The following HMBOX1 variants were observed in gnomAD, a reference collection of about 807,000 sequenced individuals.
The protein encoded by HMBOX1 is homeobox containing 1, also known as homeobox-containing protein 1.
HMBOX1 carries 14 observed loss-of-function variants against 54.5 expected under a neutral mutation model. The observed-to-expected ratio is 0.26, with a 90% CI of 0.17 to 0.40. HMBOX1 has a LOEUF of 0.40. Ranked by LOEUF, HMBOX1 falls within the 10% of genes least tolerant of loss-of-function variation. HMBOX1 has a pLI of 1.00. For synonymous variants in HMBOX1, 160 were observed against 181.0 expected (o/e 0.88, Z 0.93); for missense variants, 332 against 514.4 (o/e 0.65, Z 3.43).
chr8:28,982,278 A>G (rs1829477655), intron 4 of HMBOX1, among the ~76,000 whole-genome samples: 1 of 152,194 alleles, frequency 6.6e-6, no homozygotes, highest in Admixed American at 6.5e-5. Context: ...AATGTGCTGA[A>G]ACATAATTTA....
At position 28,912,012 on chromosome 8, in the gene HMBOX1, C is replaced by T. The variant is rs187798280; in HGVS notation, c.-58+21334C>T. On this transcript the variant is annotated intron_variant, in intron 1 of 9. Coordinates refer to ENST00000287701, the MANE Select transcript of HMBOX1 (RefSeq NM_001135726.3). ...CCAACTGGCCATATGTGATATGCTA[C>T]CTTTTCACAATGCTGGGCCAAATCA... is the stretch of plus-strand genomic sequence containing the variant. Among the ~76,000 whole-genome samples the T allele has an allele frequency of 6.5e-3, 983 of 152,252 alleles. 8 individuals carry two copies. Among genetic ancestry groups the T allele is most frequent in the Non-Finnish European group, 0.011 (719 of 68,018 alleles).
At chr8:29,034,756 CTGAGGCAGGAGAATCACT>C (rs1042220578) in intron 6 of HMBOX1, among the ~76,000 whole-genome samples, 2 of 152,152 alleles carry the variant, frequency 1.3e-5, no homozygotes, top group Non-Finnish European at 2.9e-5. Context: ...ACTTGGGAGG[CTGAGGCAGGAGAATCACT>C]TGAACCCGGG....
intron 6 of HMBOX1, among the ~76,000 whole-genome samples, chr8:29,029,059 T>C (rs1802505592): frequency 1.3e-5 from 2 of 152,322 alleles, no homozygotes; most frequent in Middle Eastern, 3.4e-3. Context: ...CATTTAAAAA[T>C]GAAGAAATAA....
chr8:28,913,112 C>T (rs901660254), intron 1 of HMBOX1, among the ~76,000 whole-genome samples: 5 of 152,132 alleles, frequency 3.3e-5, no homozygotes, highest in Admixed American at 6.6e-5. Context: ...TCAGTGATGG[C>T]CTAGAATGGT....
intron 1 of HMBOX1, among the ~76,000 whole-genome samples, chr8:28,892,257 G>A (rs1811164650): frequency 1.3e-5 from 2 of 152,068 alleles, no homozygotes; most frequent in African/African-American, 2.4e-5. Flanking sequence ...GCTTGATCTA[G>A]CTGAATTATG....
At chr8:28,904,660 A>C (rs1462923513) in intron 1 of HMBOX1, among the ~76,000 whole-genome samples, 1 of 151,436 alleles carries the variant, frequency 6.6e-6, no homozygotes, top group Non-Finnish European at 1.5e-5. Context: ...ACTTACTTTT[A>C]ATAGAAACAA....
At chr8:28,911,861 A>C (rs1023703431) in intron 1 of HMBOX1, among the ~76,000 whole-genome samples, 7 of 152,146 alleles carry the variant, frequency 4.6e-5, no homozygotes, top group African/African-American at 1.7e-4. Context: ...ATACCAAGGG[A>C]CAACTGTACA....
intron 1 of HMBOX1, among the ~76,000 whole-genome samples, chr8:28,930,732 T>C (rs1426259358): frequency 6.6e-6 from 1 of 152,170 alleles, no homozygotes; most frequent in Non-Finnish European, 1.5e-5. Flanking sequence ...TCCTCCTATA[T>C]CCTTTTTGAA....
intron 6 of HMBOX1, among the ~76,000 whole-genome samples, chr8:29,044,219 C>T (rs1805255327): frequency 6.6e-6 from 1 of 152,082 alleles, no homozygotes; most frequent in Non-Finnish European, 1.5e-5. Flanking sequence ...TCCACCAATG[C>T]AGACAGGAGT....
At chr8:28,928,547 A>G (rs1393466019) in intron 1 of HMBOX1, among the ~76,000 whole-genome samples, 2 of 152,256 alleles carry the variant, frequency 1.3e-5, no homozygotes, top group African/African-American at 4.8e-5. Context: ...TAAAGTCACT[A>G]TCCATGCACT....
Position 29,012,565 on chromosome 8 carries a change from TA to T in HMBOX1, c.697+3384del, listed in dbSNP as rs1834355788. Among the ~76,000 whole-genome samples, 5 of 152,334 alleles carry T rather than the reference TA, an allele frequency of 3.3e-5. No homozygotes were observed. In the South Asian group the frequency reaches 1.0e-3, roughly 32 times the overall value. On this transcript the variant is annotated intron_variant, in intron 5 of 9. Transcript: ENST00000287701. Reference sequence around the variant, plus strand: ...ACACACACATACACATGTATATGCTTATCTAAGCATAGAAATCTCTGAAAAG... The same window carrying T: ...ACACACACATACACATGTATATGCTTTCTAAGCATAGAAATCTCTGAAAAG...
At chr8:28,931,354 G>A (rs1465348578) in intron 1 of HMBOX1, among the ~76,000 whole-genome samples, 1 of 152,166 alleles carries the variant, frequency 6.6e-6, no homozygotes, top group Non-Finnish European at 1.5e-5. Context: ...CGTAGTCCTG[G>A]TCTGTAGCAT....
chr8:28,998,898 T>G (rs1586378154), intron 4 of HMBOX1, among the ~76,000 whole-genome samples: 1 of 152,134 alleles, frequency 6.6e-6, no homozygotes, highest in East Asian at 1.9e-4. Flanking sequence ...AGAAAAACAT[T>G]TCTCCTATAA....
chr8:28,896,641 TC>T lies in HMBOX1; in HGVS notation c.-58+5965del, dbSNP rs2131519040. On this transcript the variant is annotated intron_variant, in intron 1 of 9. Transcript: ENST00000287701. ...TATATCATATTTTAACTGTACTTTT[TC>T]CAAGGTTTAGAAACACAGATACTTT... is the stretch of plus-strand genomic sequence containing the variant. Among the ~76,000 whole-genome samples, 2 of 150,276 alleles carry T rather than the reference TC, an allele frequency of 1.3e-5. 1 individual carries two copies. Among genetic ancestry groups the T allele is most frequent in the South Asian group, 4.2e-4 (2 of 4,774 alleles).
At chr8:28,898,752 C>T (rs1032963958) in intron 1 of HMBOX1, among the ~76,000 whole-genome samples, 2 of 152,144 alleles carry the variant, frequency 1.3e-5, no homozygotes, top group East Asian at 1.9e-4. Context: ...GTTCTTTCAA[C>T]TAGAGTTTAC....
At chr8:28,932,117 C>T (rs926550992) in intron 1 of HMBOX1, among the ~76,000 whole-genome samples, 6 of 152,136 alleles carry the variant, frequency 3.9e-5, no homozygotes, top group Non-Finnish European at 5.9e-5. Context: ...AGGAATCAAA[C>T]GTGAAAAGAA....
At chr8:29,023,899 G>A (rs1345829155) in intron 6 of HMBOX1, among the ~76,000 whole-genome samples, 5 of 152,164 alleles carry the variant, frequency 3.3e-5, no homozygotes, top group African/African-American at 4.8e-5. Context: ...CTTAATCTCT[G>A]GGTGTAGAGC....
In HMBOX1 at chr8:29,018,866, A is replaced by T; in HGVS notation, c.804A>T (p.Arg268=). Residue 268 remains arginine, a synonymous_variant, in exon 6 of 10, where the codon CGA becomes CGT. Transcript: ENST00000287701. The part of the protein sequence containing the change: ...SATSGTFRLR[R]GSRFTWRKEC... ...CATCTGGTACTTTCCGACTGCGACG[A>T]GGGAGTCGATTTACCTGGAGAAAGG... 1 of 1,614,186 alleles carries T rather than the reference A, an allele frequency of 6.2e-7. No homozygotes were observed.
chr8:28,927,714 T>C (rs570489700), intron 1 of HMBOX1, among the ~76,000 whole-genome samples: 46 of 151,042 alleles, frequency 3.0e-4, no homozygotes, highest in Non-Finnish European at 6.0e-4. Context: ...ACAAACCATA[T>C]GTACCCACTG....
Sources: allele counts gnomAD v4.1 joint callset (sites outside exome capture counted in the v4.1 genomes callset), GRCh38; gene constraint gnomAD v4.1.1; transcripts MANE v1.5; gene names NCBI Gene and HGNC (gene_info 2026-07-23, HGNC 2026-07-21).